RAP1GAP2: variants seen among roughly 807,000 people sequenced by gnomAD.
RAP1GAP2 encodes the protein rap1 GTPase-activating protein 2.
A neutral mutation model predicts 95.0 loss-of-function variants in RAP1GAP2; 27 were observed. The ratio of observed to expected loss-of-function variants is 0.28; its 90% CI spans 0.21 to 0.39. The LOEUF is 0.39. RAP1GAP2 is among the 10% of genes least tolerant of loss of function. The pLI, the probability that RAP1GAP2 is intolerant of heterozygous loss-of-function variation, is 1.00. For synonymous variants in RAP1GAP2, 373 were observed against 380.9 expected, an observed-to-expected ratio of 0.98 and a Z score of 0.24; for missense variants, 771 against 970.0, an observed-to-expected ratio of 0.79 and a Z score of 2.72.
intron 4 of RAP1GAP2, among the ~76,000 whole-genome samples, chr17:2,960,954 G>A (rs2044296975): frequency 6.6e-6 from 1 of 152,232 alleles, no homozygotes; most frequent in South Asian, 2.1e-4. Context: ...AGTGGCTCAC[G>A]CCTGTAATCC....
At chr17:2,818,340 TA>T (rs1403365507) in intron 2 of RAP1GAP2, among the ~76,000 whole-genome samples, 2 of 142,134 alleles carry the variant, frequency 1.4e-5, no homozygotes, top group Non-Finnish European at 3.0e-5. Flanking sequence ...TTTATTTATT[TA>T]TTTTTGAGAC....
chr17:2,914,360 C>T (rs1182863422), intron 3 of RAP1GAP2, among the ~76,000 whole-genome samples: 2 of 152,204 alleles, frequency 1.3e-5, no homozygotes, highest in Non-Finnish European at 2.9e-5. Context: ...TTTCTCATGA[C>T]TAATGATGTT....
intron 3 of RAP1GAP2, among the ~76,000 whole-genome samples, chr17:2,933,436 A>C (rs1173213992): frequency 1.3e-5 from 2 of 152,212 alleles, no homozygotes; most frequent in East Asian, 3.9e-4. Context: ...TGCGGAGCCC[A>C]TGGGGCTTTG....
chr17:3,024,278 G>A (rs2047038300), intron 19 of RAP1GAP2, among the ~76,000 whole-genome samples: 2 of 152,148 alleles, frequency 1.3e-5, no homozygotes, highest in Admixed American at 1.3e-4. Flanking sequence ...GAGAAGTCCA[G>A]CAAAGTGAGC....
intron 2 of RAP1GAP2, among the ~76,000 whole-genome samples, chr17:2,852,905 T>C (rs959974966): frequency 6.6e-6 from 1 of 152,072 alleles, no homozygotes; most frequent in East Asian, 1.9e-4. Flanking sequence ...CTTCCGCCCT[T>C]CCTTTCCGAA....
intron 2 of RAP1GAP2, among the ~76,000 whole-genome samples, chr17:2,856,098 G>A (rs2072125548): frequency 6.6e-6 from 1 of 152,164 alleles, no homozygotes; most frequent in Admixed American, 6.6e-5. Flanking sequence ...CCTGGACTTG[G>A]ATTCCCTTCT....
chr17:2,962,630 C>T (rs752776855), intron 4 of RAP1GAP2, 40 bp from the exon 5 acceptor site: 3 of 1,551,738 alleles, frequency 1.9e-6, no homozygotes, highest in South Asian at 2.4e-5. Flanking sequence ...GTCTTCTGAC[C>T]TTTGCTTTTC....
chr17:2,897,231 G>A (rs923219447), intron 2 of RAP1GAP2, among the ~76,000 whole-genome samples: 4 of 152,014 alleles, frequency 2.6e-5, no homozygotes, highest in Non-Finnish European at 5.9e-5. Flanking sequence ...CAAGCTGCTT[G>A]GGAGGCTGAG....
chr17:3,004,463 G>A lies in RAP1GAP2; in HGVS notation c.1201-906G>A, dbSNP rs1597850370. ...ACGCCAGGGCTGGGCTCACGTCAGCGGCTGTGTAGGGAAGGGAGGGCAGTC... is the reference window on the plus strand; with the variant it reads ...ACGCCAGGGCTGGGCTCACGTCAGCAGCTGTGTAGGGAAGGGAGGGCAGTC... On this transcript the variant is annotated intron_variant, in intron 14 of 24. Coordinates refer to ENST00000254695, the MANE Select transcript of RAP1GAP2 (RefSeq NM_015085.5). This position sits in a 1 kb window ranked among gnomAD's most constrained non-coding sequence, Gnocchi z 4.1. 2.6e-5 allele frequency among the ~76,000 whole-genome samples: 4 copies of A among 152,370 alleles called. 1 individual carries two copies. Among genetic ancestry groups the A allele is most frequent in the African/African-American group, 9.6e-5 (4 of 41,596 alleles).
rs529974094 is a variant in RAP1GAP2, at chr17:3,028,155, T to C, written c.2107+1085T>C. 7.1e-4 allele frequency among the ~76,000 whole-genome samples: 107 copies of C among 151,408 alleles called. No individual in the cohort carries two copies. In the South Asian group the frequency reaches 8.8e-3, roughly 12 times the overall value. On this transcript the variant is annotated intron_variant, in intron 22 of 24. Transcript: ENST00000254695. ...GCAGAAAATGAAGGGAGGGGAAGAG[T>C]CGTGTCTGCCTCAGAGGGTTGGTTG...
chr17:2,808,846 C>T (rs1480035206), intron 2 of RAP1GAP2, among the ~76,000 whole-genome samples: 1 of 151,996 alleles, frequency 6.6e-6, no homozygotes, highest in African/African-American at 2.4e-5. Context: ...TGTGCACGCT[C>T]GCCCATGCAG....
intron 2 of RAP1GAP2, among the ~76,000 whole-genome samples, chr17:2,875,108 C>T (rs1174836883): frequency 6.6e-6 from 1 of 152,102 alleles, no homozygotes; most frequent in African/African-American, 2.4e-5. Context: ...CTCTTGACGC[C>T]CAGGCTAGAG....
chr17:2,873,848 C>T (rs571075589), intron 2 of RAP1GAP2, among the ~76,000 whole-genome samples: 58 of 152,164 alleles, frequency 3.8e-4, no homozygotes, highest in Admixed American at 1.2e-3. Context: ...CTGCAACCTC[C>T]GCCTCCTGGG....
chr17:2,957,744 G>A lies in RAP1GAP2; in HGVS notation c.166-15G>A, dbSNP rs1346627106. 2.5e-6 allele frequency: 4 copies of A among 1,605,166 alleles called. No homozygotes were observed. Among genetic ancestry groups the A allele is most frequent in the Middle Eastern group, 1.7e-4 (1 of 6,044 alleles). On this transcript the variant is annotated splice_polypyrimidine_tract_variant and intron_variant, in intron 3 of 24. Transcript: ENST00000254695. ...CTGATCCCTGTCTTTCTGTCCCCCTGCTTTTGTCTTTCAGTCGTCGGAGTT... is the reference window on the plus strand; with the variant it reads ...CTGATCCCTGTCTTTCTGTCCCCCTACTTTTGTCTTTCAGTCGTCGGAGTT...
At chr17:2,826,146 A>AT (rs1290652644) in intron 2 of RAP1GAP2, among the ~76,000 whole-genome samples, 1 of 71,622 alleles carries the variant, frequency 1.4e-5, no homozygotes, top group Admixed American at 1.6e-4. Context: ...ACGCCCAGCA[A>AT]ATTTTTTTTT....
intron 3 of RAP1GAP2, among the ~76,000 whole-genome samples, chr17:2,924,276 T>A (rs993710453): frequency 2.0e-5 from 3 of 152,102 alleles, no homozygotes; most frequent in Non-Finnish European, 2.9e-5. Flanking sequence ...GGTCTGCACC[T>A]CCCGATGCCT....
At chr17:2,894,001 G>T (rs548454947) in intron 2 of RAP1GAP2, among the ~76,000 whole-genome samples, 1 of 152,322 alleles carries the variant, frequency 6.6e-6, no homozygotes, top group South Asian at 2.1e-4. Flanking sequence ...ATGAAAGCCG[G>T]CCAGGCGCTC....
At chr17:2,960,123 C>CAAAA (rs71153316) in intron 4 of RAP1GAP2, among the ~76,000 whole-genome samples, 1,173 of 80,912 alleles carry the variant, frequency 0.014, 63 homozygotes, top group African/African-American at 0.053. Flanking sequence ...GACTCCATCT[C>CAAAA]AAAAAAAAAA....
chr17:2,946,794 G>T (rs978461680), intron 3 of RAP1GAP2, among the ~76,000 whole-genome samples: 2 of 152,128 alleles, frequency 1.3e-5, no homozygotes, highest in Non-Finnish European at 2.9e-5. Flanking sequence ...TTGCTCCTTC[G>T]CCCAGGCTGG....
Sources: gnomAD v4.1 joint callset for allele counts (sites outside exome capture counted in the v4.1 genomes callset) on GRCh38, gnomAD v4.1.1 for gene constraint, Gnocchi (gnomAD v3.1) non-coding constraint, MANE v1.5 for transcripts, NCBI Gene and HGNC (gene_info 2026-07-23, HGNC 2026-07-21) for gene names.